The following TLE1 variants were observed in gnomAD, a reference collection of about 807,000 sequenced individuals.
TLE1 encodes transducin-like enhancer protein 1.
Under a neutral mutation model 89.8 loss-of-function variants are expected in TLE1, and 21 were observed. That is an observed-to-expected ratio of 0.23 (90% confidence interval 0.17 to 0.34). TLE1 has a LOEUF of 0.34. Ranked by LOEUF, TLE1 falls within the 10% of genes least tolerant of loss-of-function variation. TLE1 has a pLI of 1.00. For missense variants in TLE1, 795 were observed against 1,031.2 expected (o/e 0.77, Z 3.14); for synonymous variants, 447 against 407.6 (o/e 1.10, Z -1.16).
intron 8 of TLE1, among the ~76,000 whole-genome samples, chr9:81,627,383 C>T (rs548960974): frequency 6.6e-6 from 1 of 151,548 alleles, no homozygotes; most frequent in African/African-American, 2.4e-5. Flanking sequence ...AAAACCTGAA[C>T]GTTAATCCAG....
intron 15 of TLE1, among the ~76,000 whole-genome samples, chr9:81,592,087 G>A (rs2796470): frequency 0.17 from 25,876 of 152,224 alleles, 2,790 homozygotes; most frequent in Middle Eastern, 0.31. Flanking sequence ...GGCCGGGCGC[G>A]GTGGCTCACG....
intron 4 of TLE1, among the ~76,000 whole-genome samples, chr9:81,660,963 A>ACG (rs1830700779): frequency 1.8e-5 from 2 of 110,496 alleles, no homozygotes; most frequent in African/African-American, 3.1e-5. Context: ...ACACACACAC[A>ACG]CACACACACA....
At chr9:81,645,262 G>A (rs1709552400) in intron 6 of TLE1, among the ~76,000 whole-genome samples, 1 of 151,562 alleles carries the variant, frequency 6.6e-6, no homozygotes, top group Admixed American at 6.6e-5. Flanking sequence ...GGGAGGGGAG[G>A]CTGAGGCAGA....
intron 4 of TLE1, among the ~76,000 whole-genome samples, chr9:81,668,168 GAAA>G (rs35867645): frequency 1.4e-5 from 2 of 146,554 alleles, no homozygotes; most frequent in Non-Finnish European, 3.0e-5. Context: ...ACTGCATCTC[GAAA>G]AAAAAAAAAA....
At chr9:81,672,214 C>G (rs1282309855) in intron 4 of TLE1, among the ~76,000 whole-genome samples, 1 of 152,142 alleles carries the variant, frequency 6.6e-6, no homozygotes, top group African/African-American at 2.4e-5. Context: ...CAAATACTTA[C>G]AAAGACACAC....
intron 4 of TLE1, among the ~76,000 whole-genome samples, chr9:81,680,981 G>A (rs922226723): frequency 6.7e-6 from 1 of 148,670 alleles, no homozygotes; most frequent in Non-Finnish European, 1.5e-5. Flanking sequence ...AAGAGTAAAA[G>A]AATCACATCT....
At chr9:81,597,868 G>A (rs1404880776) in intron 14 of TLE1, among the ~76,000 whole-genome samples, 1 of 152,216 alleles carries the variant, frequency 6.6e-6, no homozygotes, top group Non-Finnish European at 1.5e-5. Context: ...TGGAAAACAA[G>A]ACTGTGTTCC....
intron 16 of TLE1, among the ~76,000 whole-genome samples, chr9:81,589,097 C>T (rs913518978): frequency 2.6e-5 from 4 of 152,188 alleles, no homozygotes; most frequent in African/African-American, 4.8e-5. Flanking sequence ...TTTCCGCTTG[C>T]TTCCCAGACA....
At chr9:81,676,139 T>C in intron 4 of TLE1, among the ~76,000 whole-genome samples, 1 of 152,192 alleles carries the variant, frequency 6.6e-6, no homozygotes, top group Admixed American at 6.5e-5. Flanking sequence ...GTACAAACTT[T>C]TCTTGCAAAG....
chr9:81,587,910 G>GTGTGTGTGTGTGTGTGTCAGCCCGCC, intron 16 of TLE1, 82 bp from the exon 17 acceptor site: 1 of 797,606 alleles, frequency 1.3e-6, no homozygotes. Context: ...TTTGGACCGT[G>GTGTGTGTGTGTGTGTGTCAGCCCGCC]TGTGTGTGTG....
intron 8 of TLE1, among the ~76,000 whole-genome samples, chr9:81,625,864 T>C (rs972218795): frequency 7.1e-6 from 1 of 141,350 alleles, no homozygotes; most frequent in Admixed American, 7.2e-5. Flanking sequence ...ACAGTAATGG[T>C]TGTTCACATC....
Position 81,613,488 on chromosome 9 carries a change from T to C in TLE1, c.952A>G (p.Ser318Gly), listed in dbSNP as rs1278760089. 4.3e-6 allele frequency: 7 copies of C among 1,614,106 alleles called. No homozygotes were observed. The Admixed American group carries it at 8.3e-5, about 19-fold the overall frequency. The change falls in exon 12 of 20, where the codon AGC (serine) becomes GGC (glycine). Residue 318 changes from serine (S) to glycine (G), a missense_variant. Ser to Gly is a moderately conservative substitution (Grantham distance 56). Transcript: ENST00000376499. ...EKASTPVLKS[S>G]TPTPRSDMPT... ...ATGTCGCTCCGAGGCGTTGGTGTGC[T>C]GGATTTCAGAACAGGCGTGCTGGCT...
intron 4 of TLE1, among the ~76,000 whole-genome samples, chr9:81,671,120 A>T (rs957252485): frequency 6.6e-6 from 1 of 152,128 alleles, no homozygotes; most frequent in African/African-American, 2.4e-5. Context: ...GTGAACTGAG[A>T]TCACGCCACT....
intron 9 of TLE1, among the ~76,000 whole-genome samples, chr9:81,618,321 C>T (rs866298664): frequency 2.6e-5 from 4 of 152,052 alleles, no homozygotes; most frequent in Non-Finnish European, 5.9e-5. Context: ...AAATATTATC[C>T]ACATTGGCCT....
chr9:81,632,901 A>C (rs1004074883), intron 8 of TLE1, among the ~76,000 whole-genome samples: 1 of 152,202 alleles, frequency 6.6e-6, no homozygotes, highest in Admixed American at 6.5e-5. Flanking sequence ...TTTAAGTAGA[A>C]ATGGTACATT....
rs1268446940 is a variant in TLE1, at chr9:81,620,699, T to C, written c.595-142A>G. 9 of 1,457,666 alleles carry C rather than the reference T, an allele frequency of 6.2e-6. No homozygotes were observed. In the African/African-American group the frequency reaches 1.0e-4, roughly 16 times the overall value. The allele number at this position is 1,457,666 out of a possible 1,614,324, so 90.3% of individuals were successfully genotyped here. A position where few individuals can be genotyped will look rare whatever the true frequency, so the allele number is the denominator to read the frequency against. On this transcript the variant is annotated intron_variant, in intron 8 of 19. Coordinates refer to ENST00000376499, the MANE Select transcript of TLE1 (RefSeq NM_005077.5). ...ATTTAATTCATCTCATCTAAAGACT[T>C]TGATGGCAAACATATCTACAGGTTT...
At chr9:81,612,180 C>A in intron 12 of TLE1, 1 of 674,250 alleles carries the variant, frequency 1.5e-6, no homozygotes, top group Non-Finnish European at 2.1e-6. Flanking sequence ...GAAGCACAAC[C>A]CACACATTTT....
At chr9:81,605,565 T>C (rs1045027179) in intron 14 of TLE1, among the ~76,000 whole-genome samples, 12 of 152,158 alleles carry the variant, frequency 7.9e-5, no homozygotes, top group South Asian at 4.1e-4. Context: ...TGGGCAGTCA[T>C]ACGTAGAAAG....
intron 1 of TLE1, 74 bp from the exon 2 acceptor site, chr9:81,687,508 C>T (rs1834455220): frequency 8.8e-7 from 1 of 1,138,720 alleles, no homozygotes; most frequent in East Asian, 2.5e-5. Context: ...TCAGAGAAGG[C>T]AAGAACGGGT....
Sources: allele counts gnomAD v4.1 joint callset (sites outside exome capture counted in the v4.1 genomes callset), GRCh38; gene constraint gnomAD v4.1.1; transcripts MANE v1.5; gene names NCBI Gene and HGNC (gene_info 2026-07-23, HGNC 2026-07-21).